Variants in SRSF1 observed in about 807,000 individuals in gnomAD.
The protein encoded by SRSF1 is serine and arginine rich splicing factor 1.
Under a neutral mutation model 25.9 loss-of-function variants are expected in SRSF1, and 1 was observed. The ratio of observed to expected loss-of-function variants is 0.04; its 90% CI spans 0.01 to 0.18. The LOEUF is 0.18. Ranked by LOEUF, SRSF1 falls within the 10% of genes least tolerant of loss-of-function variation. The pLI, the probability that SRSF1 is intolerant of heterozygous loss-of-function variation, is 1.00. For synonymous variants in SRSF1, 132 were observed against 126.2 expected, an observed-to-expected ratio of 1.05 and a Z score of -0.31; for missense variants, 65 against 350.5, an observed-to-expected ratio of 0.19 and a Z score of 6.50.
At position 58,007,180 on chromosome 17, in the gene SRSF1, C is replaced by T. The variant is rs1245070340; in HGVS notation, c.-43G>A. 1.2e-6 allele frequency: 2 copies of T among 1,607,736 alleles called. No homozygotes were observed. Among genetic ancestry groups the T allele is most frequent in the African/African-American group, 1.3e-5 (1 of 74,890 alleles). On this transcript the variant is annotated 5_prime_UTR_variant, in exon 1 of 4. Transcript: ENST00000258962. ...CGGACTCGAGAACAGGCCTTCCCAC[C>T]AAGCCTAGCGCACGGCAGAGCGAGC...
chr17:58,007,190 G>T lies in SRSF1; in HGVS notation c.-53C>A. The T allele has an allele frequency of 6.3e-7, 1 of 1,596,142 alleles. No individual in the cohort carries two copies. Among genetic ancestry groups the T allele is most frequent in the Non-Finnish European group, 8.6e-7 (1 of 1,169,396 alleles). ...AACAGGCCTTCCCACCAAGCCTAGCGCACGGCAGAGCGAGCCCGCAGCGGC... is the reference window on the plus strand; with the variant it reads ...AACAGGCCTTCCCACCAAGCCTAGCTCACGGCAGAGCGAGCCCGCAGCGGC... On this transcript the variant is annotated 5_prime_UTR_variant, in exon 1 of 4. Transcript: ENST00000258962.
chr17:57,997,373 G>A (rs2075369348), downstream of SRSF1, among the ~76,000 whole-genome samples: 1 of 152,118 alleles, frequency 6.6e-6, no homozygotes, highest in African/African-American at 2.4e-5. Flanking sequence ...CTTCTACAGT[G>A]CTTTGCTTTT....
At chr17:58,000,554 T>C (rs558975494), downstream of SRSF1, among the ~76,000 whole-genome samples, 1 of 152,272 alleles carries the variant, frequency 6.6e-6, no homozygotes, top group African/African-American at 2.4e-5. Context: ...GAGTCCACTA[T>C]TACAACAGAA....
chr17:57,991,646 C>T, the SRSF1 span: 1 of 151,992 alleles, frequency 6.6e-6, no homozygotes, highest in Non-Finnish European at 1.5e-5. Flanking sequence ...ACACCCCCCC[C>T]ATCCCCCCTT....
chr17:58,006,142 G>A, intron 2 of SRSF1, 169 bp from the exon 3 acceptor site: 1 of 959,134 alleles, frequency 1.0e-6, no homozygotes, highest in Non-Finnish European at 1.5e-6. Flanking sequence ...AAAATTATTT[G>A]TAACGATCTT....
At chr17:58,000,501 C>A (rs1409804626), downstream of SRSF1, among the ~76,000 whole-genome samples, 2 of 152,130 alleles carry the variant, frequency 1.3e-5, no homozygotes, top group East Asian at 3.8e-4. Flanking sequence ...GTATTGTACA[C>A]TCTAGGATGC....
In SRSF1 at chr17:58,003,194, GTTT is replaced by G. The variant is rs2075404540; in HGVS notation, c.*2209_*2211del. ...CACCAGAAAATAAGCAGCATCTATA[GTTT>G]TTTAACCACTTTATAACAAAGTAGA... On this transcript the variant is annotated 3_prime_UTR_variant, in exon 4 of 4. Coordinates refer to ENST00000258962, the MANE Select transcript of SRSF1 (RefSeq NM_006924.5). 6.6e-6 allele frequency among the ~76,000 whole-genome samples: 1 copy of G among 151,636 alleles called. No homozygotes were observed. Among genetic ancestry groups the G allele is most frequent in the South Asian group, 2.1e-4 (1 of 4,808 alleles).
At position 58,006,497 on chromosome 17, in the gene SRSF1, G is replaced by A. The variant is rs548997514; in HGVS notation, c.225C>T (p.Asp75=). ...RDAEDAVYGR[D]GYDYDGYRLR... Reference sequence around the variant, plus strand: ...GACGGTACCCATCGTAATCATAGCCGTCGCGACCATACACCGCGTCTTCCG... The same window carrying A: ...GACGGTACCCATCGTAATCATAGCCATCGCGACCATACACCGCGTCTTCCG... Residue 75 remains aspartate (D), a synonymous_variant, in exon 2 of 4, where the codon GAC becomes GAT. Transcript: ENST00000258962. The A allele has an allele frequency of 1.8e-5, 29 of 1,603,874 alleles. No homozygotes were observed. Among genetic ancestry groups the A allele is most frequent in the Non-Finnish European group, 2.3e-5 (27 of 1,174,502 alleles).
downstream of SRSF1, among the ~76,000 whole-genome samples, chr17:57,997,121 A>G (rs1385515098): frequency 6.6e-6 from 1 of 152,212 alleles, no homozygotes. Flanking sequence ...AATGTCATCA[A>G]TTCTTGGTGA....
the SRSF1 span, chr17:57,992,099 G>C: frequency 3.9e-5 from 6 of 152,184 alleles, no homozygotes; most frequent in African/African-American, 1.2e-4. Context: ...AAGGACACCA[G>C]CAAAAATCAA....
chr17:58,006,173 A>T, intron 2 of SRSF1, 170 bp downstream of exon 2: 1 of 1,001,128 alleles, frequency 1.0e-6, no homozygotes, highest in Non-Finnish European at 1.5e-6. Flanking sequence ...ACCGCAACCT[A>T]ATTTGGTAAA....
the SRSF1 span, chr17:57,994,283 T>G: frequency 6.6e-6 from 1 of 152,228 alleles, no homozygotes. Context: ...TGAAGCCCCA[T>G]GTATGTTCTA....
At chr17:57,989,406 G>C in the SRSF1 span, 3 of 397,796 alleles carry the variant, frequency 7.5e-6, no homozygotes, top group African/African-American at 6.2e-5. Flanking sequence ...TCTTCAGATG[G>C]ACGCATTATT....
intron 1 of SRSF1, 57 bp from the exon 2 acceptor site, chr17:58,006,584 A>T (rs376017697): frequency 6.5e-7 from 1 of 1,531,628 alleles, no homozygotes; most frequent in Admixed American, 2.1e-5. Context: ...AAGCTCGCTC[A>T]GTTGGGAACC....
chr17:58,006,709 C>A (rs1433756171), intron 1 of SRSF1, 182 bp from the exon 2 acceptor site: 1 of 894,136 alleles, frequency 1.1e-6, no homozygotes, highest in East Asian at 2.7e-5. Context: ...TACACCAGCC[C>A]TCAGCGCCTC....
chr17:57,997,986 G>T (rs376523241), downstream of SRSF1, among the ~76,000 whole-genome samples: 4 of 152,076 alleles, frequency 2.6e-5, no homozygotes. Flanking sequence ...AGGCCGAGGC[G>T]GGCGGATCAC....
the SRSF1 span, chr17:57,991,219 G>A: frequency 6.6e-6 from 1 of 152,202 alleles, no homozygotes; most frequent in Non-Finnish European, 1.5e-5. Flanking sequence ...ATTAAAATCT[G>A]TTGTTCTAAA....
At chr17:58,000,060 A>C (rs562623341), downstream of SRSF1, among the ~76,000 whole-genome samples, 1 of 152,302 alleles carries the variant, frequency 6.6e-6, no homozygotes, top group South Asian at 2.1e-4. Context: ...GTTGTAAATT[A>C]CAAATGTTAT....
At chr17:58,000,266 G>A (rs1286408576), downstream of SRSF1, among the ~76,000 whole-genome samples, 4 of 152,094 alleles carry the variant, frequency 2.6e-5, no homozygotes, top group East Asian at 5.8e-4. Flanking sequence ...TCAATAACAG[G>A]AATAAGTACT....
Sources: gnomAD v4.1 joint callset for allele counts (sites outside exome capture counted in the v4.1 genomes callset) on GRCh38, gnomAD v4.1.1 for gene constraint, MANE v1.5 for transcripts, NCBI Gene and HGNC (gene_info 2026-07-23, HGNC 2026-07-21) for gene names.